NTN4: variants seen among roughly 807,000 people sequenced by gnomAD.
NTN4 encodes netrin-4.
NTN4 carries 32 observed loss-of-function variants against 73.6 expected under a neutral mutation model. That is an observed-to-expected ratio of 0.44 (90% CI 0.33 to 0.58). The LOEUF (loss-of-function observed/expected upper bound fraction) is 0.58. Ranked by LOEUF, NTN4 falls within the 20% of genes least tolerant of loss-of-function variation. The pLI is 0.04. For missense variants in NTN4, 654 were observed against 798.3 expected (o/e 0.82, Z 2.18); for synonymous variants, 258 against 287.5 (o/e 0.90, Z 1.04).
chr12:95,684,491 A>G (rs1376749876), intron 5 of NTN4, among the ~76,000 whole-genome samples: 1 of 147,832 alleles, frequency 6.8e-6, no homozygotes, highest in Non-Finnish European at 1.5e-5. Context: ...TTTTTTTTGT[A>G]GAGGCAAGGT....
chr12:95,749,462 C>T (rs1182003904), intron 2 of NTN4, among the ~76,000 whole-genome samples: 1 of 152,188 alleles, frequency 6.6e-6, no homozygotes, highest in Non-Finnish European at 1.5e-5. Context: ...TCTTCTCCAA[C>T]CTCTCTCACT....
chr12:95,693,451 C>G (rs926016552), intron 5 of NTN4, among the ~76,000 whole-genome samples: 3 of 151,924 alleles, frequency 2.0e-5, no homozygotes, highest in African/African-American at 7.3e-5. Flanking sequence ...AACTTATTGG[C>G]CAGGTGCGGA....
chr12:95,754,861 G>C (rs1157900145), intron 2 of NTN4, among the ~76,000 whole-genome samples: 3 of 152,184 alleles, frequency 2.0e-5, no homozygotes, highest in African/African-American at 7.2e-5. Context: ...AAGCCTGTTT[G>C]GTGGTCTCTT....
At chr12:95,776,169 A>G (rs2079090879) in intron 2 of NTN4, among the ~76,000 whole-genome samples, 1 of 152,202 alleles carries the variant, frequency 6.6e-6, no homozygotes, top group African/African-American at 2.4e-5. Flanking sequence ...GTACATCACC[A>G]TCATCAAAGA....
rs573203707 is a variant in NTN4, at chr12:95,742,957, G to A, written c.586-4813C>T. ...CTCTTACCACAAGTTCCGCACTCTT[G>A]ATGAGAACGATGTGAACACACACAT... On this transcript the variant is annotated intron_variant, in intron 2 of 9. Transcript: ENST00000343702. Among the ~76,000 whole-genome samples, 184 of 152,328 alleles carry A rather than the reference G, an allele frequency of 1.2e-3. 2 individuals are homozygous for A. The highest frequency in any genetic ancestry group is 5.0e-3 in the Admixed American group (76 of 15,292).
At chr12:95,773,836 T>C (rs2079073843) in intron 2 of NTN4, among the ~76,000 whole-genome samples, 1 of 152,178 alleles carries the variant, frequency 6.6e-6, no homozygotes, top group African/African-American at 2.4e-5. Context: ...GAAATATTAA[T>C]ACATTAGATG....
intron 6 of NTN4, 102 bp downstream of exon 6, chr12:95,683,396 A>T: frequency 9.2e-7 from 1 of 1,084,132 alleles, no homozygotes; most frequent in African/African-American, 1.6e-5. Flanking sequence ...GTGCAAATAC[A>T]TCTTTGCTCC....
At chr12:95,714,624 C>T (rs1287873967) in intron 3 of NTN4, among the ~76,000 whole-genome samples, 1 of 151,992 alleles carries the variant, frequency 6.6e-6, no homozygotes, top group Non-Finnish European at 1.5e-5. Flanking sequence ...AAACAAATAC[C>T]TAAGAAGCAA....
At chr12:95,741,440 TATA>T (rs2078824471) in intron 2 of NTN4, among the ~76,000 whole-genome samples, 2 of 84,724 alleles carry the variant, frequency 2.4e-5, no homozygotes, top group Non-Finnish European at 4.6e-5. Context: ...TATATATATA[TATA>T]TATATATATA....
At chr12:95,728,219 T>A (rs2078709869) in intron 3 of NTN4, among the ~76,000 whole-genome samples, 1 of 152,190 alleles carries the variant, frequency 6.6e-6, no homozygotes. Flanking sequence ...AATCTAAGAT[T>A]ATATCATTTG....
intron 3 of NTN4, among the ~76,000 whole-genome samples, chr12:95,736,550 A>C (rs2078779034): frequency 6.6e-6 from 1 of 152,182 alleles, no homozygotes; most frequent in South Asian, 2.1e-4. Context: ...TGGTAGGTTG[A>C]CATGTCTCTA....
At chr12:95,765,305 T>C (rs966954061) in intron 2 of NTN4, among the ~76,000 whole-genome samples, 12 of 152,340 alleles carry the variant, frequency 7.9e-5, no homozygotes, top group African/African-American at 2.6e-4. Flanking sequence ...TTCACTTTTA[T>C]CTAAATCTAA....
chr12:95,713,888 A>C (rs1200388022), intron 3 of NTN4, among the ~76,000 whole-genome samples: 2 of 152,164 alleles, frequency 1.3e-5, no homozygotes, highest in East Asian at 3.9e-4. Context: ...CTGACCACCT[A>C]TTTTATTGTA....
chr12:95,734,332 C>T (rs926244395), intron 3 of NTN4, among the ~76,000 whole-genome samples: 19 of 152,204 alleles, frequency 1.2e-4, no homozygotes, highest in African/African-American at 3.9e-4. Context: ...ATTAGAACAC[C>T]TGGAGGGGTT....
intron 2 of NTN4, among the ~76,000 whole-genome samples, chr12:95,768,809 G>A (rs2079037081): frequency 6.6e-6 from 1 of 152,196 alleles, no homozygotes; most frequent in Non-Finnish European, 1.5e-5. Context: ...AGTAGCTACA[G>A]GGATGGAGAG....
chr12:95,672,206 GGGGGGCGGGC>G, intron 7 of NTN4: 1 of 569,706 alleles, frequency 1.8e-6, no homozygotes, highest in Non-Finnish European at 3.2e-6. Flanking sequence ...GTCGGGTTGC[GGGGGGCGGGC>G]GGGGGGAGGG....
At chr12:95,683,465 A>C (rs376884809) in intron 6 of NTN4, 33 bp downstream of exon 6, 1 of 1,587,732 alleles carries the variant, frequency 6.3e-7, no homozygotes, top group Non-Finnish European at 8.6e-7. Flanking sequence ...CCTGAAATAC[A>C]TGCAGCTGAG....
chr12:95,672,491 C>T (rs1331389919), intron 7 of NTN4: 2 of 1,530,222 alleles, frequency 1.3e-6, no homozygotes, highest in African/African-American at 2.7e-5. Context: ...CAGAAGAGAG[C>T]GACCCGGACC....
At chr12:95,734,100 T>G (rs1472289076) in intron 3 of NTN4, among the ~76,000 whole-genome samples, 1 of 150,698 alleles carries the variant, frequency 6.6e-6, no homozygotes, top group Admixed American at 6.6e-5. Context: ...AGGAATGTAT[T>G]AAGGTAAATG....
Sources: gnomAD v4.1 joint callset for allele counts (sites outside exome capture counted in the v4.1 genomes callset) on GRCh38, gnomAD v4.1.1 for gene constraint, MANE v1.5 for transcripts, NCBI Gene and HGNC (gene_info 2026-07-23, HGNC 2026-07-21) for gene names.